The following CNMD variants were observed in gnomAD, a reference collection of about 807,000 sequenced individuals.
CNMD encodes the protein chondromodulin, also known as leukocyte cell-derived chemotaxin 1.
A neutral mutation model predicts 37.5 loss-of-function variants in CNMD; 30 were observed. The observed-to-expected ratio is 0.80, with a 90% CI of 0.60 to 1.09. CNMD has a LOEUF of 1.09. Ranked by LOEUF, CNMD falls within the 50% of genes least tolerant of loss-of-function variation. The pLI, the probability that CNMD is intolerant of heterozygous loss-of-function variation, is 0.00. For synonymous variants in CNMD, 167 were observed against 148.2 expected (o/e 1.13, Z -0.92); for missense variants, 398 against 423.9 (o/e 0.94, Z 0.54).
In CNMD at chr13:52,708,526, C is replaced by T. The variant is rs9591459; in HGVS notation, c.789+10G>A. Reference sequence around the variant, plus strand: ...TTTGTCTAATCATGTCAAAAAGCACCGGAACGCACATGATAAGGATTATCA... The same window carrying T: ...TTTGTCTAATCATGTCAAAAAGCACTGGAACGCACATGATAAGGATTATCA... On this transcript the variant is annotated intron_variant, in intron 6 of 6. Coordinates refer to ENST00000377962, the MANE Select transcript of CNMD (RefSeq NM_007015.3). 2,436 of 1,601,216 alleles carry T rather than the reference C, an allele frequency of 1.5e-3. 47 individuals carry two copies. In the African/African-American group the frequency reaches 0.03, roughly 19 times the overall value.
At chr13:52,733,035 T>A (rs1462612541) in intron 3 of CNMD, 184 bp downstream of exon 3, 7 of 622,472 alleles carry the variant, frequency 1.1e-5, no homozygotes, top group Non-Finnish European at 2.0e-5. Context: ...TTTGCAAATA[T>A]GAAGGACAAA....
At position 52,739,161 on chromosome 13, in the gene CNMD, G is replaced by A. The variant is rs780635643; in HGVS notation, c.83C>T (p.Thr28Met). ...GGGGCTGGAGGGCTTCACCGTCAGCGTAGCGTACGCCTGCGGGCCGGGGCG... is the reference window on the plus strand; with the variant it reads ...GGGGCTGGAGGGCTTCACCGTCAGCATAGCGTACGCCTGCGGGCCGGGGCG... The part of the protein sequence containing the change: ...VEFCSPPAYA[T>M]LTVKPSSPAR... The change falls in exon 2 of 7, where the codon ACG becomes ATG. Residue 28 changes from threonine to methionine, a missense_variant. By Grantham distance (81) the Thr-to-Met change is moderately conservative. Transcript: ENST00000377962. This position sits in a 1 kb window ranked among gnomAD's most constrained non-coding sequence, Gnocchi z 5.4. 6.6e-6 allele frequency: 10 copies of A among 1,510,140 alleles called. No individual in the cohort carries two copies. The highest frequency in any genetic ancestry group is 8.8e-6 in the Non-Finnish European group (10 of 1,136,476). 93.5% of individuals were successfully genotyped at this position (1,510,140 alleles called of 1,614,324 possible). A position where few individuals can be genotyped will look rare whatever the true frequency, so the allele number is the denominator to read the frequency against.
At chr13:52,733,656 C>A in intron 2 of CNMD, 1 of 436,768 alleles carries the variant, frequency 2.3e-6, no homozygotes, top group Non-Finnish European at 4.3e-6. Flanking sequence ...TCTCTGGGTA[C>A]CATGCCTGGG....
chr13:52,728,433 AC>A (rs1287122959), intron 3 of CNMD, among the ~76,000 whole-genome samples: 3 of 151,652 alleles, frequency 2.0e-5, no homozygotes, highest in Non-Finnish European at 4.4e-5. Flanking sequence ...GTTGTGCCCC[AC>A]CCCCAGTTTC....
At chr13:52,731,035 C>T (rs915437598) in intron 3 of CNMD, among the ~76,000 whole-genome samples, 2 of 152,104 alleles carry the variant, frequency 1.3e-5, no homozygotes, top group African/African-American at 2.4e-5. Context: ...AACCCTGGAG[C>T]GAGACTGCAC....
Position 52,703,369 on chromosome 13 carries a change from TAA to T in CNMD, c.*224_*225del. 4.6e-6 allele frequency: 2 copies of T among 432,466 alleles called. No homozygotes were observed. Among genetic ancestry groups the T allele is most frequent in the Non-Finnish European group, 8.2e-6 (2 of 242,504 alleles). 26.8% of individuals were successfully genotyped at this position (432,466 alleles called of 1,614,324 possible). A position where few individuals can be genotyped will look rare whatever the true frequency, so the allele number is the denominator to read the frequency against. On this transcript the variant is annotated 3_prime_UTR_variant, in exon 7 of 7. Coordinates refer to ENST00000377962, the MANE Select transcript of CNMD (RefSeq NM_007015.3). ...AATGCAAATAAAAAATAACAAATAA[TAA>T]AGGGGTTATGGCATTTTAGACTTGA...
chr13:52,708,506 C>G, intron 6 of CNMD, 30 bp downstream of exon 6: 1 of 1,597,320 alleles, frequency 6.3e-7, no homozygotes, highest in South Asian at 1.1e-5. Context: ...ATGCATTTGT[C>G]TAATCATGTC....
chr13:52,717,602 A>G (rs989511724), intron 4 of CNMD, among the ~76,000 whole-genome samples: 1 of 152,138 alleles, frequency 6.6e-6, no homozygotes, highest in Non-Finnish European at 1.5e-5. Context: ...TGAGATAATC[A>G]TGTGTTTTTG....
At chr13:52,724,169 A>C in intron 3 of CNMD, 59 bp from the exon 4 acceptor site, 1 of 1,275,636 alleles carries the variant, frequency 7.8e-7, no homozygotes, top group Non-Finnish European at 1.1e-6. Flanking sequence ...CGATTTATTG[A>C]GTGTCTACTG....
intron 3 of CNMD, among the ~76,000 whole-genome samples, chr13:52,731,614 A>G (rs1964671276): frequency 6.6e-6 from 1 of 152,278 alleles, no homozygotes; most frequent in African/African-American, 2.4e-5. Context: ...TACCATTATT[A>G]GAAAAGAACC....
intron 3 of CNMD, among the ~76,000 whole-genome samples, chr13:52,726,162 T>C (rs1215643881): frequency 6.6e-6 from 1 of 152,196 alleles, no homozygotes; most frequent in Non-Finnish European, 1.5e-5. Context: ...TGTAGAGGGT[T>C]TAAGAACACA....
At chr13:52,705,369 T>A (rs1052299835) in intron 6 of CNMD, among the ~76,000 whole-genome samples, 1 of 152,218 alleles carries the variant, frequency 6.6e-6, no homozygotes, top group Non-Finnish European at 1.5e-5. Context: ...ATCACAAAAT[T>A]AACAACATGA....
At position 52,739,728 on chromosome 13, in the gene CNMD, T is replaced by C. The variant is rs374174638; in HGVS notation, c.-27A>G. On this transcript the variant is annotated 5_prime_UTR_variant, in exon 1 of 7. Transcript: ENST00000377962. The surrounding 1 kb of genome is among the most constrained non-coding windows in gnomAD (Gnocchi z 5.4). ...TTTGCGGCGGGAGGAGTGAGGCACT[T>C]GGAGACTCCCTGGGCACCCTGGGAT... 100 of 1,603,408 alleles carry C rather than the reference T, an allele frequency of 6.2e-5. No individual in the cohort carries two copies. The highest frequency in any genetic ancestry group is 8.3e-5 in the Non-Finnish European group (97 of 1,170,604).
chr13:52,712,470 A>G (rs1964304719), intron 5 of CNMD, among the ~76,000 whole-genome samples: 1 of 152,202 alleles, frequency 6.6e-6, no homozygotes, highest in Admixed American at 6.5e-5. Flanking sequence ...AGCTGCAGGT[A>G]ATGCCATGGC....
At chr13:52,709,242 C>T (rs1167501616) in intron 5 of CNMD, among the ~76,000 whole-genome samples, 1 of 151,942 alleles carries the variant, frequency 6.6e-6, no homozygotes, top group Non-Finnish European at 1.5e-5. Flanking sequence ...TGATAGGCAC[C>T]ATAAGCCAGC....
At chr13:52,724,751 G>T (rs1222798872) in intron 3 of CNMD, among the ~76,000 whole-genome samples, 1 of 152,084 alleles carries the variant, frequency 6.6e-6, no homozygotes, top group Non-Finnish European at 1.5e-5. Flanking sequence ...ACAAAAATTA[G>T]CCGGGTGTGG....
At chr13:52,704,933 C>T (rs1964149893) in intron 6 of CNMD, among the ~76,000 whole-genome samples, 1 of 151,900 alleles carries the variant, frequency 6.6e-6, no homozygotes, top group Non-Finnish European at 1.5e-5. Context: ...GTGGTGGACA[C>T]CTGTAATTCC....
At chr13:52,705,063 A>G (rs1034542573) in intron 6 of CNMD, among the ~76,000 whole-genome samples, 1 of 151,516 alleles carries the variant, frequency 6.6e-6, no homozygotes, top group Non-Finnish European at 1.5e-5. Flanking sequence ...TGTCTTGGAA[A>G]AAAAAAAAAT....
chr13:52,706,971 G>T (rs929941729), intron 6 of CNMD, among the ~76,000 whole-genome samples: 1 of 152,018 alleles, frequency 6.6e-6, no homozygotes, highest in Admixed American at 6.6e-5. Context: ...TTGGCTCACC[G>T]CAACCTCAGT....
Sources: allele counts gnomAD v4.1 joint callset (sites outside exome capture counted in the v4.1 genomes callset), GRCh38; gene constraint gnomAD v4.1.1; non-coding constraint Gnocchi (gnomAD v3.1); transcripts MANE v1.5; gene names NCBI Gene and HGNC (gene_info 2026-07-23, HGNC 2026-07-21).